Variants in ACKR3 observed in about 807,000 individuals in gnomAD.
ACKR3 encodes C-X-C chemokine receptor type 7.
A neutral mutation model predicts 22.4 loss-of-function variants in ACKR3; 6 were observed. That is an observed-to-expected ratio of 0.27 (90% CI 0.15 to 0.53). The LOEUF (loss-of-function observed/expected upper bound fraction) is 0.53, where lower values mean the gene tolerates loss of function less well. ACKR3 is among the 20% of genes least tolerant of loss of function. The pLI, the probability that ACKR3 is intolerant of heterozygous loss-of-function variation, is 0.96. For synonymous variants in ACKR3, 209 were observed against 205.2 expected, an observed-to-expected ratio of 1.02 and a Z score of -0.16; for missense variants, 396 against 475.2, an observed-to-expected ratio of 0.83 and a Z score of 1.55.
At chr2:236,570,938 T>G (rs1435593333) in intron 1 of ACKR3, among the ~76,000 whole-genome samples, 2 of 152,226 alleles carry the variant, frequency 1.3e-5, no homozygotes, top group African/African-American at 4.8e-5. Context: ...TTACAGCCCT[T>G]TGAATGTATT....
the ACKR3 span, among the ~76,000 whole-genome samples, chr2:236,556,119 T>C: frequency 6.6e-6 from 1 of 150,742 alleles, no homozygotes; most frequent in Non-Finnish European, 1.5e-5. Flanking sequence ...CCATGTGGGG[T>C]GAGGGGAGCA....
chr2:236,573,998 A>C (rs1208257373), intron 1 of ACKR3, among the ~76,000 whole-genome samples: 1 of 151,894 alleles, frequency 6.6e-6, no homozygotes, highest in East Asian at 1.9e-4. Flanking sequence ...GTCCCCCATA[A>C]GCCACCAGAG....
chr2:236,576,098 G>A (rs1691407459), intron 1 of ACKR3, among the ~76,000 whole-genome samples: 2 of 152,176 alleles, frequency 1.3e-5, no homozygotes, highest in African/African-American at 2.4e-5. Flanking sequence ...CCCTAGAGAC[G>A]CAGGCAGTGG....
chr2:236,578,484 T>C (rs1323229947), intron 1 of ACKR3, among the ~76,000 whole-genome samples: 1 of 152,172 alleles, frequency 6.6e-6, no homozygotes, highest in African/African-American at 2.4e-5. Flanking sequence ...GTTCCCTCCA[T>C]GGAAGGCTTT....
chr2:236,557,343 T>C, the ACKR3 span, among the ~76,000 whole-genome samples: 1 of 151,832 alleles, frequency 6.6e-6, no homozygotes, highest in Admixed American at 6.6e-5. Context: ...AACACACCAA[T>C]AGCAAGGAGC....
the ACKR3 span, among the ~76,000 whole-genome samples, chr2:236,545,628 C>T: frequency 1.3e-3 from 194 of 152,186 alleles, no homozygotes; most frequent in African/African-American, 4.3e-3. The surrounding 1 kb of genome is among the most constrained non-coding windows in gnomAD (Gnocchi z 5.3). Flanking sequence ...GTGTGGCAGA[C>T]GGACAAAATC....
chr2:236,551,944 G>A, the ACKR3 span, among the ~76,000 whole-genome samples: 1 of 152,122 alleles, frequency 6.6e-6, no homozygotes, highest in Admixed American at 6.6e-5. Flanking sequence ...GCTCAGCTCT[G>A]GTCGGCCTGC....
the ACKR3 span, among the ~76,000 whole-genome samples, chr2:236,556,064 G>A: frequency 6.6e-6 from 1 of 152,182 alleles, no homozygotes; most frequent in African/African-American, 2.4e-5. Context: ...AGAGTGGGGT[G>A]AGGAGGGTGT....
chr2:236,556,531 G>A, the ACKR3 span, among the ~76,000 whole-genome samples: 1 of 152,134 alleles, frequency 6.6e-6, no homozygotes, highest in Non-Finnish European at 1.5e-5. Context: ...GGAGCGATTC[G>A]AGGAGGGGCC....
upstream of ACKR3, among the ~76,000 whole-genome samples, chr2:236,564,805 TTGG>T (rs1019458986): frequency 3.3e-5 from 5 of 152,176 alleles, no homozygotes; most frequent in Non-Finnish European, 7.4e-5. Flanking sequence ...CACGCTTGGA[TTGG>T]AACGCCATGG....
the ACKR3 span, among the ~76,000 whole-genome samples, chr2:236,549,727 G>A: frequency 6.6e-6 from 1 of 152,160 alleles, no homozygotes; most frequent in Non-Finnish European, 1.5e-5. The surrounding 1 kb of genome is among the most constrained non-coding windows in gnomAD (Gnocchi z 5.3). Flanking sequence ...GAAAGGGAAC[G>A]AGCCACCACG....
At chr2:236,564,813 C>T (rs1691146261), upstream of ACKR3, among the ~76,000 whole-genome samples, 1 of 152,088 alleles carries the variant, frequency 6.6e-6, no homozygotes, top group Admixed American at 6.5e-5. Flanking sequence ...GATTGGAACG[C>T]CATGGCCATT....
intron 1 of ACKR3, among the ~76,000 whole-genome samples, chr2:236,571,564 G>T (rs141644913): frequency 6.9e-6 from 1 of 145,960 alleles, no homozygotes; most frequent in East Asian, 2.1e-4. Context: ...GCGTTGAGAA[G>T]GTATTATGAT....
At chr2:236,539,851 A>G in the ACKR3 span, among the ~76,000 whole-genome samples, 2 of 152,184 alleles carry the variant, frequency 1.3e-5, no homozygotes, top group Non-Finnish European at 2.9e-5. Context: ...GGAGATGCAA[A>G]GGGACGTCTT....
the ACKR3 span, among the ~76,000 whole-genome samples, chr2:236,554,080 A>G: frequency 6.6e-6 from 1 of 152,200 alleles, no homozygotes; most frequent in Non-Finnish European, 1.5e-5. Flanking sequence ...ACAGAGCTCA[A>G]TCTCATGGAG....
the ACKR3 span, among the ~76,000 whole-genome samples, chr2:236,540,008 A>C: frequency 6.6e-6 from 1 of 152,220 alleles, no homozygotes; most frequent in African/African-American, 2.4e-5. Flanking sequence ...CGTCCTTGAC[A>C]CAGGAGGATT....
At chr2:236,560,414 C>T in the ACKR3 span, among the ~76,000 whole-genome samples, 1 of 143,820 alleles carries the variant, frequency 7.0e-6, no homozygotes, top group Non-Finnish European at 1.5e-5. Context: ...TAGTGACATT[C>T]AGCCATTAGT....
chr2:236,544,941 G>A, the ACKR3 span, among the ~76,000 whole-genome samples: 1 of 152,168 alleles, frequency 6.6e-6, no homozygotes. This position sits in a 1 kb window ranked among gnomAD's most constrained non-coding sequence, Gnocchi z 5.0. Context: ...GGATATATTT[G>A]TAGAAAACTC....
chr2:236,566,768 T>TCCTTCC (rs1559469809), upstream of ACKR3, among the ~76,000 whole-genome samples: 1 of 71,962 alleles, frequency 1.4e-5, no homozygotes, highest in Non-Finnish European at 2.3e-5. Flanking sequence ...TCCTTCCTTT[T>TCCTTCC]CTTTGCTAGG....
Sources: allele counts gnomAD v4.1 joint callset (sites outside exome capture counted in the v4.1 genomes callset), GRCh38; gene constraint gnomAD v4.1.1; non-coding constraint Gnocchi (gnomAD v3.1); transcripts MANE v1.5; gene names NCBI Gene and HGNC (gene_info 2026-07-23, HGNC 2026-07-21).